The following NCALD variants were observed in gnomAD, a reference collection of about 807,000 sequenced individuals.
NCALD encodes the protein neurocalcin delta.
Under a neutral mutation model 18.6 loss-of-function variants are expected in NCALD, and 10 were observed. The observed-to-expected ratio is 0.54, with a 90% CI of 0.33 to 0.91. The LOEUF (loss-of-function observed/expected upper bound fraction) is 0.91. Among genes scored for constraint, NCALD ranks in the 40% least tolerant of loss-of-function variants. The probability of loss-of-function intolerance (pLI) is 0.03; values close to 1 mark genes in which losing one functional copy is unlikely to be tolerated. For missense variants in NCALD, 184 were observed against 247.6 expected (o/e 0.74, Z 1.72); for synonymous variants, 88 against 87.4 (o/e 1.01, Z -0.04).
intron 1 of NCALD, among the ~76,000 whole-genome samples, chr8:101,722,843 G>A (rs1275118939): frequency 6.6e-6 from 1 of 152,178 alleles, no homozygotes; most frequent in Non-Finnish European, 1.5e-5. Flanking sequence ...AGAAAAGCAT[G>A]GAATAAGTTA....
At chr8:102,111,030 A>C (rs951218555) in intron 1 of NCALD, among the ~76,000 whole-genome samples, 3 of 152,236 alleles carry the variant, frequency 2.0e-5, no homozygotes, top group Non-Finnish European at 4.4e-5. Context: ...CTCTATATTA[A>C]GTAATGATAA....
In NCALD at chr8:101,692,978, G is replaced by T. The variant is rs1814803992; in HGVS notation, c.379-82C>A. On this transcript the variant is annotated intron_variant, in intron 2 of 3. Transcript: ENST00000220931. ...CCTATCATTAAACCTCCCAAATGCG[G>T]GCTGAAGGGAATGTCCCCATCCGCA... 8.0e-6 allele frequency: 8 copies of T among 1,002,040 alleles called. No homozygotes were observed. In the South Asian group the frequency reaches 9.1e-5, roughly 11 times the overall value. The allele number at this position is 1,002,040 out of a possible 1,614,324, so 62.1% of individuals were successfully genotyped here. A position where few individuals can be genotyped will look rare whatever the true frequency, so the allele number is the denominator to read the frequency against.
At chr8:102,111,412 ATGTGTG>A (rs57126471) in intron 1 of NCALD, among the ~76,000 whole-genome samples, 41 of 147,736 alleles carry the variant, frequency 2.8e-4, no homozygotes, top group Non-Finnish European at 4.8e-4. Flanking sequence ...GTCTAAAGAG[ATGTGTG>A]TGTGTGTGTG....
At chr8:101,941,088 C>T (rs953761722) in intron 2 of NCALD, among the ~76,000 whole-genome samples, 5 of 152,178 alleles carry the variant, frequency 3.3e-5, no homozygotes, top group African/African-American at 1.2e-4. Flanking sequence ...ATAAATTTCC[C>T]TCTGCAGTCT....
chr8:101,821,804 T>G (rs80126943), intron 4 of NCALD, among the ~76,000 whole-genome samples: 7,078 of 149,064 alleles, frequency 0.047, 404 homozygotes, highest in African/African-American at 0.12. Context: ...GCACTACAAA[T>G]TGGGGAAAAA....
chr8:101,689,199 G>C lies in NCALD; in HGVS notation c.*110C>G. ...GAGGAAGGCGCATCAGACCGCACAG[G>C]GGACGGCATCACCATTGATATTGTT... On this transcript the variant is annotated 3_prime_UTR_variant, in exon 4 of 4. Transcript: ENST00000220931. The surrounding 1 kb of genome is among the most constrained non-coding windows in gnomAD (Gnocchi z 4.4). 1.0e-6 allele frequency: 1 copy of C among 992,224 alleles called. No individual in the cohort carries two copies. 61.5% of individuals were successfully genotyped at this position (992,224 alleles called of 1,614,324 possible). A position where few individuals can be genotyped will look rare whatever the true frequency, so the allele number is the denominator to read the frequency against.
chr8:101,961,960 T>C (rs771099173), intron 2 of NCALD, among the ~76,000 whole-genome samples: 1 of 152,154 alleles, frequency 6.6e-6, no homozygotes, highest in Non-Finnish European at 1.5e-5. Context: ...TTCACTCAGA[T>C]ATATTTAGTG....
At chr8:102,033,426 A>T (rs987137337) in intron 1 of NCALD, among the ~76,000 whole-genome samples, 7 of 152,202 alleles carry the variant, frequency 4.6e-5, no homozygotes, top group Admixed American at 1.3e-4. Flanking sequence ...AGAATCAAAA[A>T]TTAAAATGGG....
chr8:101,942,670 G>A (rs1319692691), intron 2 of NCALD, among the ~76,000 whole-genome samples: 1 of 152,142 alleles, frequency 6.6e-6, no homozygotes, highest in African/African-American at 2.4e-5. Flanking sequence ...GAATAATAAA[G>A]TATAACATTC....
intron 1 of NCALD, among the ~76,000 whole-genome samples, chr8:102,103,758 C>G (rs529699871): frequency 1.2e-4 from 18 of 151,986 alleles, no homozygotes; most frequent in Middle Eastern, 3.4e-3. Flanking sequence ...AAACAGCATG[C>G]GAAGAAATAA....
intron 2 of NCALD, among the ~76,000 whole-genome samples, chr8:101,923,681 T>C (rs1563900389): frequency 1.3e-5 from 2 of 152,242 alleles, no homozygotes; most frequent in South Asian, 2.1e-4. Flanking sequence ...TATATTTTGG[T>C]TTAATTTCAA....
intron 2 of NCALD, among the ~76,000 whole-genome samples, chr8:101,959,541 A>G (rs773362446): frequency 2.6e-5 from 4 of 152,078 alleles, no homozygotes; most frequent in Non-Finnish European, 5.9e-5. Context: ...ATTACTGTGA[A>G]CTCAGATTCC....
intron 1 of NCALD, among the ~76,000 whole-genome samples, chr8:102,097,718 C>G (rs975149254): frequency 1.6e-4 from 25 of 152,342 alleles, no homozygotes; most frequent in African/African-American, 6.0e-4. Flanking sequence ...TCATTTTTAG[C>G]ACTGAAACCT....
chr8:101,788,144 G>A (rs1045736885), intron 1 of NCALD, among the ~76,000 whole-genome samples: 6 of 152,142 alleles, frequency 3.9e-5, no homozygotes, highest in African/African-American at 7.2e-5. Flanking sequence ...TCACACACTC[G>A]AAGAATAAAA....
chr8:102,036,668 A>G (rs940932182), intron 1 of NCALD, among the ~76,000 whole-genome samples: 1 of 151,948 alleles, frequency 6.6e-6, no homozygotes, highest in African/African-American at 2.4e-5. Flanking sequence ...CCAGCTATTC[A>G]GGAGGCTGAG....
chr8:101,905,084 TG>T (rs761833566), intron 3 of NCALD, among the ~76,000 whole-genome samples: 85 of 152,320 alleles, frequency 5.6e-4, no homozygotes, highest in Non-Finnish European at 6.5e-4. Context: ...TATTCTTTGT[TG>T]ATCTGAAATT....
intron 1 of NCALD, among the ~76,000 whole-genome samples, chr8:102,042,335 T>C (rs940190143): frequency 2.0e-5 from 3 of 151,994 alleles, no homozygotes; most frequent in Admixed American, 6.5e-5. Context: ...ACTTTAACCC[T>C]TGGGAAAGGT....
At chr8:101,715,473 CCT>C (rs775623574) in intron 2 of NCALD, among the ~76,000 whole-genome samples, 13 of 148,412 alleles carry the variant, frequency 8.8e-5, no homozygotes, top group Non-Finnish European at 1.8e-4. Context: ...GCCAATGGGA[CCT>C]AATTAAACTA....
At chr8:102,103,111 G>A (rs563500820) in intron 1 of NCALD, among the ~76,000 whole-genome samples, 1 of 152,192 alleles carries the variant, frequency 6.6e-6, no homozygotes, top group South Asian at 2.1e-4. Flanking sequence ...AGACTCTGTG[G>A]AAAATACAGA....
Sources: gnomAD v4.1 joint callset for allele counts (sites outside exome capture counted in the v4.1 genomes callset) on GRCh38, gnomAD v4.1.1 for gene constraint, Gnocchi (gnomAD v3.1) non-coding constraint, MANE v1.5 for transcripts, NCBI Gene and HGNC (gene_info 2026-07-23, HGNC 2026-07-21) for gene names.